PIWIL2: variants seen among roughly 807,000 people sequenced by gnomAD.
The protein encoded by PIWIL2 is piwi like RNA-mediated gene silencing 2.
In PIWIL2, 81 loss-of-function variants were observed where a neutral mutation model predicts 116.5. The ratio of observed to expected loss-of-function variants is 0.70; its 90% CI spans 0.58 to 0.84. The LOEUF (loss-of-function observed/expected upper bound fraction) is 0.84, where lower values mean the gene tolerates loss of function less well. Among genes scored for constraint, PIWIL2 ranks in the 40% least tolerant of loss-of-function variants. PIWIL2 has a pLI of 0.00. For missense variants in PIWIL2, 1,272 were observed against 1,212.3 expected (o/e 1.05, Z -0.73); for synonymous variants, 489 against 429.5 (o/e 1.14, Z -1.71).
chr8:22,305,395 T>C (rs1234807500), intron 12 of PIWIL2, among the ~76,000 whole-genome samples: 2 of 152,034 alleles, frequency 1.3e-5, no homozygotes, highest in African/African-American at 4.8e-5. Context: ...GGTTTCACCG[T>C]GTTAGCCAGG....
chr8:22,289,086 G>T (rs1421750596), intron 8 of PIWIL2, among the ~76,000 whole-genome samples: 1 of 150,364 alleles, frequency 6.7e-6, no homozygotes, highest in Non-Finnish European at 1.5e-5. Flanking sequence ...AAACATCCTA[G>T]TTTTCATACA....
At chr8:22,312,566 G>A (rs3923439) in intron 16 of PIWIL2, among the ~76,000 whole-genome samples, 63,999 of 152,000 alleles carry the variant, frequency 0.42, 15,604 homozygotes, top group East Asian at 0.82. Context: ...ATGCCCAGCA[G>A]CATTCTGTTT....
intron 19 of PIWIL2, among the ~76,000 whole-genome samples, chr8:22,317,656 T>C (rs1831493304): frequency 1.3e-5 from 2 of 150,726 alleles, no homozygotes; most frequent in Admixed American, 1.3e-4. Context: ...ATTTTTTATT[T>C]ATTTATTTAT....
intron 20 of PIWIL2, among the ~76,000 whole-genome samples, chr8:22,334,905 A>C (rs996325324): frequency 1.3e-5 from 2 of 151,916 alleles, no homozygotes; most frequent in African/African-American, 2.4e-5. Context: ...AAATTCAAAA[A>C]TTAGGTGGGC....
Position 22,310,080 on chromosome 8 carries a change from T to G in PIWIL2, c.1800+6T>G, listed in dbSNP as rs1446796790. 1 of 1,480,408 alleles carries G rather than the reference T, an allele frequency of 6.8e-7. No individual in the cohort carries two copies. The highest frequency in any genetic ancestry group is 9.4e-7 in the Non-Finnish European group (1 of 1,058,360). The allele number at this position is 1,480,408 out of a possible 1,614,324, so 91.7% of individuals were successfully genotyped here. A position where few individuals can be genotyped will look rare whatever the true frequency, so the allele number is the denominator to read the frequency against. ...GAGACCCTTCCATCTTGACTGTAAG[T>G]GATTTTTGAAGTGATAAAGAGAGGA... On this transcript the variant is annotated splice_donor_region_variant and intron_variant, in intron 15 of 22. Transcript: ENST00000356766.
At chr8:22,336,451 T>A in intron 20 of PIWIL2, among the ~76,000 whole-genome samples, 1 of 152,244 alleles carries the variant, frequency 6.6e-6, no homozygotes, top group East Asian at 1.9e-4. Flanking sequence ...AAATACAACA[T>A]ATCAAAATTT....
intron 20 of PIWIL2, among the ~76,000 whole-genome samples, chr8:22,327,807 C>T (rs1302007614): frequency 4.6e-5 from 7 of 152,014 alleles, no homozygotes; most frequent in Non-Finnish European, 7.4e-5. Flanking sequence ...GGCTATTTGT[C>T]GTTTTGTTGT....
chr8:22,323,467 T>TG (rs1177134482), intron 20 of PIWIL2, among the ~76,000 whole-genome samples: 1 of 152,172 alleles, frequency 6.6e-6, no homozygotes, highest in African/African-American at 2.4e-5. Flanking sequence ...CTTGACCTCG[T>TG]GATCCACCCA....
chr8:22,313,723 TC>T (rs1173218086), intron 16 of PIWIL2, among the ~76,000 whole-genome samples: 2 of 152,182 alleles, frequency 1.3e-5, no homozygotes, highest in Non-Finnish European at 2.9e-5. Context: ...CTTTGAAAGG[TC>T]CTCTTTTTTC....
chr8:22,356,199 T>A lies in PIWIL2; in HGVS notation c.*694T>A, dbSNP rs1176669341. ...AGATGATAATTAAGTCATTGCAAGT[T>A]GCCTGAAGAGAATTACTCAGGCAAC... On this transcript the variant is annotated 3_prime_UTR_variant, in exon 23 of 23. Coordinates refer to ENST00000356766, the MANE Select transcript of PIWIL2 (RefSeq NM_018068.5). 6.6e-6 allele frequency: 1 copy of A among 152,132 alleles called. No individual in the cohort carries two copies. The highest frequency in any genetic ancestry group is 1.9e-4 in the East Asian group (1 of 5,204). 9.4% of individuals were successfully genotyped at this position (152,132 alleles called of 1,614,324 possible).
At chr8:22,325,800 A>G (rs1831711911) in intron 20 of PIWIL2, among the ~76,000 whole-genome samples, 1 of 151,910 alleles carries the variant, frequency 6.6e-6, no homozygotes, top group African/African-American at 2.4e-5. Context: ...TAGTCCTTTC[A>G]TAGTATTTTG....
intron 20 of PIWIL2, among the ~76,000 whole-genome samples, chr8:22,351,632 G>A (rs1385374846): frequency 6.7e-6 from 1 of 149,102 alleles, no homozygotes; most frequent in Admixed American, 6.7e-5. Context: ...CCACCTCCCA[G>A]GTTCAAGCAA....
intron 10 of PIWIL2, among the ~76,000 whole-genome samples, chr8:22,299,296 C>T (rs943352701): frequency 1.3e-4 from 20 of 151,426 alleles, no homozygotes; most frequent in African/African-American, 3.2e-4. Flanking sequence ...CTGCAACCTC[C>T]GCCTCCTGGG....
chr8:22,335,772 T>C (rs1418475317), intron 20 of PIWIL2, among the ~76,000 whole-genome samples: 2 of 152,140 alleles, frequency 1.3e-5, no homozygotes, highest in African/African-American at 4.8e-5. Flanking sequence ...TTGGCCAGGC[T>C]AGTCTGGAAC....
intron 20 of PIWIL2, among the ~76,000 whole-genome samples, chr8:22,350,955 A>G (rs975645349): frequency 2.6e-5 from 4 of 152,160 alleles, no homozygotes; most frequent in African/African-American, 9.6e-5. Flanking sequence ...AGCCTGCCCT[A>G]CGTGGCAAAA....
intron 20 of PIWIL2, among the ~76,000 whole-genome samples, chr8:22,349,080 ACT>A (rs1832293803): frequency 7.3e-6 from 1 of 136,964 alleles, no homozygotes; most frequent in African/African-American, 2.7e-5. Flanking sequence ...ATGGGATCTC[ACT>A]CTGTCACCCA....
At chr8:22,296,048 T>G (rs1586550062) in intron 10 of PIWIL2, among the ~76,000 whole-genome samples, 7 of 119,298 alleles carry the variant, frequency 5.9e-5, no homozygotes, top group Admixed American at 9.3e-5. Flanking sequence ...TTTTTTTTTT[T>G]TTTTTTTTTT....
At chr8:22,293,562 T>A (rs1586546495) in intron 10 of PIWIL2, among the ~76,000 whole-genome samples, 1 of 152,182 alleles carries the variant, frequency 6.6e-6, no homozygotes, top group South Asian at 2.1e-4. Context: ...TGCCGTCAGG[T>A]AATCCGCCTG....
chr8:22,356,504 C>T lies in PIWIL2; in HGVS notation c.*999C>T, dbSNP rs373051784. Reference sequence around the variant, plus strand: ...TTTCTTCCCCAAATATACACATGCTCTTTTGCTCTTTGTGCCTGATCTTCA... The same window carrying T: ...TTTCTTCCCCAAATATACACATGCTTTTTTGCTCTTTGTGCCTGATCTTCA... On this transcript the variant is annotated 3_prime_UTR_variant, in exon 23 of 23. Coordinates refer to ENST00000356766, the MANE Select transcript of PIWIL2 (RefSeq NM_018068.5). 16 of 152,284 alleles carry T rather than the reference C, an allele frequency of 1.1e-4. No homozygotes were observed. The South Asian group carries it at 1.2e-3, about 12-fold the overall frequency. 9.4% of individuals were successfully genotyped at this position (152,284 alleles called of 1,614,324 possible).
Sources: gnomAD v4.1 joint callset for allele counts (sites outside exome capture counted in the v4.1 genomes callset) on GRCh38, gnomAD v4.1.1 for gene constraint, MANE v1.5 for transcripts, NCBI Gene and HGNC (gene_info 2026-07-23, HGNC 2026-07-21) for gene names.